Variants in OIT3 observed in about 807,000 individuals in gnomAD.
OIT3 encodes the protein oncoprotein induced transcript 3.
OIT3 carries 41 observed loss-of-function variants against 52.2 expected under a neutral mutation model. The ratio of observed to expected loss-of-function variants is 0.79; its 90% CI spans 0.61 to 1.02. OIT3 has a LOEUF of 1.02. Ranked by LOEUF, OIT3 falls within the 50% of genes least tolerant of loss-of-function variation. OIT3 has a pLI of 0.00. For missense variants in OIT3, 634 were observed against 715.5 expected, an observed-to-expected ratio of 0.89 and a Z score of 1.30; for synonymous variants, 244 against 276.9, an observed-to-expected ratio of 0.88 and a Z score of 1.18.
chr10:72,929,532 T>A (rs1398349186), intron 7 of OIT3, among the ~76,000 whole-genome samples: 1 of 151,538 alleles, frequency 6.6e-6, no homozygotes, highest in Non-Finnish European at 1.5e-5. Flanking sequence ...TGCCTCAGCC[T>A]CCTGAGTAGC....
At chr10:72,894,137 A>G (rs1010004622) in intron 1 of OIT3, among the ~76,000 whole-genome samples, 1 of 152,020 alleles carries the variant, frequency 6.6e-6, no homozygotes, top group Non-Finnish European at 1.5e-5. Context: ...AAATAATTCT[A>G]TCTTCTTTGT....
chr10:72,932,980 AC>A lies in OIT3; in HGVS notation c.*457del, dbSNP rs1846233021. 1 of 154,356 alleles carries A rather than the reference AC, an allele frequency of 6.5e-6. No homozygotes were observed. The highest frequency in any genetic ancestry group is 2.4e-5 in the African/African-American group (1 of 41,552). 9.6% of individuals were successfully genotyped at this position (154,356 alleles called of 1,614,324 possible). A position where few individuals can be genotyped will look rare whatever the true frequency, so the allele number is the denominator to read the frequency against. ...CCTTGAAATTTCAATTCAAATGCAG[AC>A]TAATTATAGGGAATTTGGAAGTGTA... On this transcript the variant is annotated 3_prime_UTR_variant, in exon 9 of 9. Transcript: ENST00000334011.
At chr10:72,893,990 A>G (rs1215246873) in intron 1 of OIT3, 131 bp downstream of exon 1, 8 of 558,246 alleles carry the variant, frequency 1.4e-5, no homozygotes, top group Non-Finnish European at 2.4e-5. Flanking sequence ...AAAAGTCCCT[A>G]ATAATCCTTG....
chr10:72,928,446 C>G (rs1383703270), intron 7 of OIT3, among the ~76,000 whole-genome samples: 1 of 152,162 alleles, frequency 6.6e-6, no homozygotes, highest in Non-Finnish European at 1.5e-5. Flanking sequence ...CAATGTGTTA[C>G]CTTGTAATAA....
chr10:72,897,963 G>A, intron 1 of OIT3, among the ~76,000 whole-genome samples: 1 of 151,822 alleles, frequency 6.6e-6, no homozygotes, highest in East Asian at 1.9e-4. Context: ...AACTTTCTCT[G>A]AACAAATTTG....
intron 4 of OIT3, among the ~76,000 whole-genome samples, chr10:72,911,230 G>C (rs1289278166): frequency 1.3e-5 from 2 of 152,150 alleles, no homozygotes; most frequent in Non-Finnish European, 2.9e-5. Flanking sequence ...TACCCCCAGT[G>C]CTCTTGTCCT....
At chr10:72,902,613 T>G (rs1845943797) in intron 3 of OIT3, among the ~76,000 whole-genome samples, 1 of 152,212 alleles carries the variant, frequency 6.6e-6, no homozygotes, top group Non-Finnish European at 1.5e-5. Flanking sequence ...GAAGTGTAAT[T>G]GACTCACCCT....
chr10:72,918,085 C>T (rs907526588), intron 6 of OIT3: 4 of 1,258,670 alleles, frequency 3.2e-6, no homozygotes, highest in African/African-American at 1.5e-5. Context: ...TTCTGTGGAA[C>T]CTTGCTACCA....
At chr10:72,910,410 C>T (rs1336861106) in intron 4 of OIT3, among the ~76,000 whole-genome samples, 8 of 152,158 alleles carry the variant, frequency 5.3e-5, no homozygotes, top group South Asian at 4.1e-4. Flanking sequence ...AATCCCAACA[C>T]TTTGGGAGGC....
intron 6 of OIT3, chr10:72,918,008 A>T (rs1846088144): frequency 1.2e-6 from 1 of 812,980 alleles, no homozygotes; most frequent in South Asian, 1.3e-5. Flanking sequence ...CTTCATCATC[A>T]TCTTCATCTT....
chr10:72,900,520 G>A (rs369780195), intron 3 of OIT3, 36 bp downstream of exon 3: 16 of 1,149,996 alleles, frequency 1.4e-5, no homozygotes, highest in Admixed American at 1.9e-5. Context: ...CAGGCTATTA[G>A]GATCGAAAGG....
At chr10:72,906,563 C>G in intron 3 of OIT3, 33 bp from the exon 4 acceptor site, 1 of 1,611,986 alleles carries the variant, frequency 6.2e-7, no homozygotes, top group Non-Finnish European at 8.5e-7. Context: ...AATCACTCAG[C>G]AGTATAGAAA....
At chr10:72,905,416 A>G (rs1845969635) in intron 3 of OIT3, among the ~76,000 whole-genome samples, 1 of 152,146 alleles carries the variant, frequency 6.6e-6, no homozygotes, top group Admixed American at 6.5e-5. Flanking sequence ...GGTTGCAGTG[A>G]GCAGAGATCA....
intron 6 of OIT3, chr10:72,918,268 C>A: frequency 2.5e-6 from 2 of 794,000 alleles, no homozygotes; most frequent in Non-Finnish European, 4.5e-6. Context: ...TCAAAGCCCC[C>A]AAGAGAAACC....
At chr10:72,923,297 C>G (rs1304010445) in intron 6 of OIT3, among the ~76,000 whole-genome samples, 1 of 152,234 alleles carries the variant, frequency 6.6e-6, no homozygotes, top group African/African-American at 2.4e-5. Flanking sequence ...CCAGTGAAGG[C>G]TGTGAAACAG....
At chr10:72,928,939 G>A (rs1388146678) in intron 7 of OIT3, among the ~76,000 whole-genome samples, 2 of 152,074 alleles carry the variant, frequency 1.3e-5, no homozygotes, top group Non-Finnish European at 2.9e-5. Context: ...CACTGTCATG[G>A]CTCATACCTG....
intron 1 of OIT3, among the ~76,000 whole-genome samples, chr10:72,894,794 G>T (rs766658939): frequency 5.9e-5 from 9 of 151,952 alleles, no homozygotes; most frequent in Non-Finnish European, 1.0e-4. Context: ...AGGCTGAGGC[G>T]GGAGAATCAC....
intron 6 of OIT3, among the ~76,000 whole-genome samples, chr10:72,922,400 C>A (rs1310398651): frequency 6.6e-6 from 1 of 151,892 alleles, no homozygotes; most frequent in African/African-American, 2.4e-5. Context: ...TTTCTCTATT[C>A]TTGTCTGCCT....
At chr10:72,921,733 C>T (rs1846123560) in intron 6 of OIT3, among the ~76,000 whole-genome samples, 1 of 150,070 alleles carries the variant, frequency 6.7e-6, no homozygotes, top group Admixed American at 6.7e-5. Flanking sequence ...AATGCAGTGG[C>T]ATGATCTCAG....
Sources: gnomAD v4.1 joint callset for allele counts (sites outside exome capture counted in the v4.1 genomes callset) on GRCh38, gnomAD v4.1.1 for gene constraint, MANE v1.5 for transcripts, NCBI Gene and HGNC (gene_info 2026-07-23, HGNC 2026-07-21) for gene names.